ECHDC1: variants seen among roughly 807,000 people sequenced by gnomAD.
The protein encoded by ECHDC1 is ethylmalonyl-CoA decarboxylase.
ECHDC1 carries 29 observed loss-of-function variants against 29.7 expected under a neutral mutation model. The ratio of observed to expected loss-of-function variants is 0.98; its 90% CI spans 0.73 to 1.33. ECHDC1 has a LOEUF of 1.33. Ranked by LOEUF, ECHDC1 falls within the 40% of genes most tolerant of loss-of-function variation. The pLI is 0.00. For missense variants in ECHDC1, 328 were observed against 350.0 expected, an observed-to-expected ratio of 0.94 and a Z score of 0.50; for synonymous variants, 126 against 123.1, an observed-to-expected ratio of 1.02 and a Z score of -0.15.
chr6:127,318,543 G>A (rs186190211), intron 3 of ECHDC1, among the ~76,000 whole-genome samples: 138 of 152,276 alleles, frequency 9.1e-4, no homozygotes, highest in African/African-American at 3.2e-3. Flanking sequence ...TCAAAGTACA[G>A]GTATTATACA....
intron 5 of ECHDC1, among the ~76,000 whole-genome samples, chr6:127,296,099 A>C (rs762646369): frequency 3.9e-5 from 6 of 152,268 alleles, no homozygotes; most frequent in Non-Finnish European, 5.9e-5. Context: ...GAACTTTTCT[A>C]TAACCTTGAT....
At chr6:127,311,707 A>AAAAAAAAAG (rs1781943643) in intron 5 of ECHDC1, among the ~76,000 whole-genome samples, 22 of 88,968 alleles carry the variant, frequency 2.5e-4, no homozygotes, top group South Asian at 3.7e-4. Context: ...AAGAAAAGAA[A>AAAAAAAAAG]AAAGAAAGAA....
At chr6:127,300,280 C>G (rs1258860225) in intron 5 of ECHDC1, among the ~76,000 whole-genome samples, 2 of 152,192 alleles carry the variant, frequency 1.3e-5, no homozygotes, top group Admixed American at 1.3e-4. Flanking sequence ...AGCAACAAAT[C>G]TGACAATTAA....
intron 1 of ECHDC1, among the ~76,000 whole-genome samples, chr6:127,335,044 G>A (rs1317458097): frequency 1.3e-5 from 2 of 151,984 alleles, no homozygotes; most frequent in Non-Finnish European, 2.9e-5. Context: ...AACTCATCAC[G>A]CAGCCAAAAG....
chr6:127,321,339 G>C (rs1279652699), intron 3 of ECHDC1, among the ~76,000 whole-genome samples: 1 of 152,152 alleles, frequency 6.6e-6, no homozygotes, highest in Non-Finnish European at 1.5e-5. Context: ...TCAGCCATGA[G>C]GGGTAGATGC....
chr6:127,303,447 T>G (rs1781208534), intron 5 of ECHDC1, among the ~76,000 whole-genome samples: 1 of 152,194 alleles, frequency 6.6e-6, no homozygotes, highest in Non-Finnish European at 1.5e-5. Context: ...TTTAGTGGTC[T>G]GGATAGAAGA....
intron 5 of ECHDC1, among the ~76,000 whole-genome samples, chr6:127,306,769 A>G (rs1217548189): frequency 6.6e-6 from 1 of 152,288 alleles, no homozygotes; most frequent in Non-Finnish European, 1.5e-5. Context: ...GACAGATCTT[A>G]GAGACAAAAA....
chr6:127,340,157 A>G (rs1784801195), intron 1 of ECHDC1, among the ~76,000 whole-genome samples: 3 of 152,266 alleles, frequency 2.0e-5, no homozygotes, highest in Admixed American at 2.0e-4. Flanking sequence ...ATATCGTATA[A>G]GGGTCTAGTT....
Position 127,290,165 on chromosome 6 carries a change from T to C in ECHDC1, c.610A>G (p.Lys204Glu), listed in dbSNP as rs770137102. ...VEIIGSRQAL[K>E]VLSGALKLDS... ...AGTTTAAGGGCCCCACTCAACACTTTGAGAGCTTGTCTACTTCCGATTATT... is the reference window on the plus strand; with the variant it reads ...AGTTTAAGGGCCCCACTCAACACTTCGAGAGCTTGTCTACTTCCGATTATT... Residue 204 changes from lysine (K) to glutamate (E), a missense_variant, in exon 6 of 6, where the codon AAA becomes GAA. By Grantham distance (56) the Lys-to-Glu change is moderately conservative (BLOSUM62 1). Transcript: ENST00000454859. 5 of 1,613,744 alleles carry C rather than the reference T, an allele frequency of 3.1e-6. No homozygotes were observed. The highest frequency in any genetic ancestry group is 4.2e-6 in the Non-Finnish European group (5 of 1,179,774).
intron 3 of ECHDC1, among the ~76,000 whole-genome samples, chr6:127,320,564 G>A (rs1418950295): frequency 6.6e-6 from 1 of 152,172 alleles, no homozygotes; most frequent in Non-Finnish European, 1.5e-5. Context: ...TGAAGACTAA[G>A]CAGGTTTTTA....
intron 3 of ECHDC1, chr6:127,326,765 A>G (rs1783379775): frequency 4.4e-6 from 2 of 457,304 alleles, no homozygotes; most frequent in South Asian, 6.4e-5. Context: ...AAATAACAGT[A>G]ATTTCAAAGC....
intron 5 of ECHDC1, among the ~76,000 whole-genome samples, chr6:127,304,155 A>C (rs1435739069): frequency 6.6e-6 from 1 of 152,176 alleles, no homozygotes; most frequent in Non-Finnish European, 1.5e-5. Context: ...CCATAGGGTT[A>C]CTTAGTTCAC....
intron 2 of ECHDC1, 41 bp from the exon 3 acceptor site, chr6:127,327,185 T>C: frequency 6.3e-7 from 1 of 1,594,744 alleles, no homozygotes; most frequent in Non-Finnish European, 8.6e-7. Flanking sequence ...TATATGAAGG[T>C]GACTGGAAAA....
chr6:127,318,290 T>C (rs1782559646), intron 3 of ECHDC1, among the ~76,000 whole-genome samples: 1 of 152,226 alleles, frequency 6.6e-6, no homozygotes, highest in South Asian at 2.1e-4. Flanking sequence ...TCTCTACCTA[T>C]TTCAAGGAAT....
intron 5 of ECHDC1, among the ~76,000 whole-genome samples, chr6:127,300,726 A>G (rs1392980000): frequency 6.6e-6 from 1 of 152,204 alleles, no homozygotes; most frequent in African/African-American, 2.4e-5. Flanking sequence ...GAGCCTGGGA[A>G]TGAATCCTCC....
chr6:127,295,846 A>C (rs1780554102), intron 5 of ECHDC1, among the ~76,000 whole-genome samples: 1 of 152,204 alleles, frequency 6.6e-6, no homozygotes, highest in African/African-American at 2.4e-5. Context: ...TTTTAGAGAA[A>C]AATTGGAAAC....
chr6:127,319,961 G>C (rs998347826), intron 3 of ECHDC1, among the ~76,000 whole-genome samples: 1 of 152,186 alleles, frequency 6.6e-6, no homozygotes, highest in African/African-American at 2.4e-5. Flanking sequence ...CCTTTCTTAA[G>C]TGCTTGTTGT....
At chr6:127,298,021 G>A (rs947870878) in intron 5 of ECHDC1, among the ~76,000 whole-genome samples, 1 of 152,010 alleles carries the variant, frequency 6.6e-6, no homozygotes, top group Non-Finnish European at 1.5e-5. Context: ...CAAAGAAGGA[G>A]AAACAACAAA....
In ECHDC1 at chr6:127,316,492, G is replaced by A. The variant is rs775202604; in HGVS notation, c.374C>T (p.Ala125Val). The A allele has an allele frequency of 1.9e-6, 3 of 1,601,730 alleles. No homozygotes were observed. Among genetic ancestry groups the A allele is most frequent in the East Asian group, 4.5e-5 (2 of 44,334 alleles). The change falls in exon 4 of 6, where the codon GCC (alanine) becomes GTC (valine). Residue 125 changes from alanine (A) to valine (V), a missense_variant. By Grantham distance (64) the Ala-to-Val change is moderately conservative. Transcript: ENST00000454859. ...GGTGTTTTGCATGAACATGCATACGGCCATTCCATCCTTTAAATAAAAATA... is the reference window on the plus strand; with the variant it reads ...GGTGTTTTGCATGAACATGCATACGACCATTCCATCCTTTAAATAAAAATA... Reference protein sequence around the residue: ...KSLGTPEDGMAVCMFMQNTLT... With the variant: ...KSLGTPEDGMVVCMFMQNTLT...
Sources: gnomAD v4.1 joint callset for allele counts (sites outside exome capture counted in the v4.1 genomes callset) on GRCh38, gnomAD v4.1.1 for gene constraint, MANE v1.5 for transcripts, NCBI Gene and HGNC (gene_info 2026-07-23, HGNC 2026-07-21) for gene names.